The following ELP4 variants were observed in gnomAD, a reference collection of about 807,000 sequenced individuals.
The protein encoded by ELP4 is elongator complex protein 4.
A neutral mutation model predicts 48.9 loss-of-function variants in ELP4; 51 were observed. That is an observed-to-expected ratio of 1.04 (90% CI 0.83 to 1.32). ELP4 has a LOEUF of 1.32. Ranked by LOEUF, ELP4 falls within the 40% of genes most tolerant of loss-of-function variation. ELP4 has a pLI of 0.00. For synonymous variants in ELP4, 210 were observed against 189.2 expected, an observed-to-expected ratio of 1.11 and a Z score of -0.90; for missense variants, 519 against 514.6, an observed-to-expected ratio of 1.01 and a Z score of -0.08.
intron 7 of ELP4, chr11:31,646,183 C>A (rs1945192537): frequency 6.6e-6 from 1 of 151,658 alleles, no homozygotes; most frequent in Middle Eastern, 3.2e-3. Context: ...GAAAAATTGC[C>A]TTAGAAAAAA....
At chr11:31,748,515 G>A (rs1947648923) in intron 9 of ELP4, among the ~76,000 whole-genome samples, 1 of 151,918 alleles carries the variant, frequency 6.6e-6, no homozygotes, top group Non-Finnish European at 1.5e-5. Flanking sequence ...AAAGTGCTGG[G>A]ATTACAGGCG....
intron 7 of ELP4, chr11:31,646,408 G>A (rs1302061464): frequency 2.0e-5 from 3 of 151,656 alleles, no homozygotes; most frequent in Admixed American, 6.6e-5. Context: ...GAGTTAACCA[G>A]TCATTTCAAC....
At chr11:31,763,649 A>G in intron 9 of ELP4, 1 of 1,199,302 alleles carries the variant, frequency 8.3e-7, no homozygotes. Flanking sequence ...AGGTGTTCAC[A>G]TACTGCTATT....
At chr11:31,746,292 A>G (rs912920430) in intron 9 of ELP4, among the ~76,000 whole-genome samples, 5 of 152,206 alleles carry the variant, frequency 3.3e-5, no homozygotes, top group Admixed American at 6.5e-5. Flanking sequence ...TGTTGGTGGG[A>G]CTGTAAACTA....
At chr11:31,780,801 T>G (rs1468941724) in intron 9 of ELP4, 1 of 152,198 alleles carries the variant, frequency 6.6e-6, no homozygotes, top group Admixed American at 6.5e-5. Flanking sequence ...TTGTTCTAAA[T>G]AAAGCACGCA....
At chr11:31,584,727 G>T (rs1030065281) in intron 3 of ELP4, among the ~76,000 whole-genome samples, 1 of 152,050 alleles carries the variant, frequency 6.6e-6, no homozygotes, top group Non-Finnish European at 1.5e-5. Flanking sequence ...GTTTCGCCGT[G>T]TTGGGCAGGC....
chr11:31,714,475 T>G (rs956475504), intron 9 of ELP4, among the ~76,000 whole-genome samples: 2 of 152,254 alleles, frequency 1.3e-5, no homozygotes, highest in South Asian at 4.1e-4. Context: ...TGACTCATAT[T>G]GTTACTTAAC....
chr11:31,752,218 T>G (rs1947736241), intron 9 of ELP4, among the ~76,000 whole-genome samples: 1 of 152,106 alleles, frequency 6.6e-6, no homozygotes, highest in South Asian at 2.1e-4. Flanking sequence ...AAAACAGGAA[T>G]GATTCAACAT....
chr11:31,638,065 G>A (rs539946989), intron 7 of ELP4, among the ~76,000 whole-genome samples: 4 of 151,668 alleles, frequency 2.6e-5, no homozygotes, highest in African/African-American at 9.7e-5. Context: ...AATTAGAAAT[G>A]GAGAAAGTTG....
At chr11:31,658,956 A>C (rs1945496832) in intron 9 of ELP4, among the ~76,000 whole-genome samples, 1 of 152,046 alleles carries the variant, frequency 6.6e-6, no homozygotes, top group African/African-American at 2.4e-5. Flanking sequence ...CTTTAATCAA[A>C]ATTAAGCAAC....
intron 4 of ELP4, among the ~76,000 whole-genome samples, chr11:31,597,910 G>A (rs1183627945): frequency 4.7e-5 from 7 of 149,952 alleles, no homozygotes; most frequent in Non-Finnish European, 1.5e-5. Context: ...CAAGTGAAAT[G>A]GTTGTCAAAA....
Position 31,786,692 on chromosome 11 carries a change from A to T in ELP4, c.*3168A>T, listed in dbSNP as rs1948658159. On this transcript the variant is annotated 3_prime_UTR_variant, in exon 10 of 10. Transcript: ENST00000640961. ...CTTAGGAAACCTAGTGATGATAGTAAGAAGAAATGGCAGTGAGCTGTAGCA... is the reference window on the plus strand; with the variant it reads ...CTTAGGAAACCTAGTGATGATAGTATGAAGAAATGGCAGTGAGCTGTAGCA... 3 of 224,838 alleles carry T rather than the reference A, an allele frequency of 1.3e-5. No homozygotes were observed. Among genetic ancestry groups the T allele is most frequent in the Non-Finnish European group, 1.8e-5 (2 of 112,664 alleles). 13.9% of individuals were successfully genotyped at this position (224,838 alleles called of 1,614,324 possible). A position where few individuals can be genotyped will look rare whatever the true frequency, so the allele number is the denominator to read the frequency against.
At chr11:31,613,686 T>G (rs1336332848) in intron 5 of ELP4, among the ~76,000 whole-genome samples, 4 of 151,690 alleles carry the variant, frequency 2.6e-5, no homozygotes, top group African/African-American at 9.7e-5. Context: ...GTATGTTTTA[T>G]ACGTTTGAAT....
chr11:31,669,071 CTTTTA>C (rs1945747373), intron 9 of ELP4, among the ~76,000 whole-genome samples: 1 of 149,470 alleles, frequency 6.7e-6, no homozygotes, highest in African/African-American at 2.4e-5. Flanking sequence ...ACTTCCATGT[CTTTTA>C]TTTATTTTTA....
intron 5 of ELP4, among the ~76,000 whole-genome samples, chr11:31,612,793 G>A (rs1239997273): frequency 1.3e-5 from 2 of 152,110 alleles, no homozygotes; most frequent in Non-Finnish European, 2.9e-5. Context: ...AAAATGTCCA[G>A]GAGCTTGATA....
At chr11:31,636,274 C>T (rs1028682495) in intron 7 of ELP4, among the ~76,000 whole-genome samples, 1 of 151,704 alleles carries the variant, frequency 6.6e-6, no homozygotes, top group Non-Finnish European at 1.5e-5. Context: ...AGAGTGGTTT[C>T]GGGCAGAAGT....
rs192266377 is a variant in ELP4, at chr11:31,564,346, T to C, written c.381+24563T>C. On this transcript the variant is annotated intron_variant, in intron 3 of 9. Coordinates refer to ENST00000640961, the MANE Select transcript of ELP4 (RefSeq NM_019040.5). Reference sequence around the variant, plus strand: ...AGAGTAGATTTTTTTTCCAGAGATATAGGATGACACTGTTGCTTTAAGATT... The same window carrying C: ...AGAGTAGATTTTTTTTCCAGAGATACAGGATGACACTGTTGCTTTAAGATT... Among the ~76,000 whole-genome samples, 48 of 151,946 alleles carry C rather than the reference T, an allele frequency of 3.2e-4. No homozygotes were observed. The East Asian group carries it at 8.1e-3, about 26-fold the overall frequency.
chr11:31,721,629 T>C (rs1028318435), intron 9 of ELP4, among the ~76,000 whole-genome samples: 9 of 152,126 alleles, frequency 5.9e-5, no homozygotes, highest in African/African-American at 1.9e-4. Context: ...GTGGCAGGTC[T>C]TGTGGGGAAT....
chr11:31,602,525 C>T (rs921407315), intron 4 of ELP4, among the ~76,000 whole-genome samples: 2 of 151,834 alleles, frequency 1.3e-5, no homozygotes, highest in East Asian at 1.9e-4. Flanking sequence ...GAGGGATGAA[C>T]GGTCATTTCA....
Sources: gnomAD v4.1 joint callset for allele counts (sites outside exome capture counted in the v4.1 genomes callset) on GRCh38, gnomAD v4.1.1 for gene constraint, MANE v1.5 for transcripts, NCBI Gene and HGNC (gene_info 2026-07-23, HGNC 2026-07-21) for gene names.